Variants in ARL5A observed in about 807,000 individuals in gnomAD.
The protein encoded by ARL5A is ARF like GTPase 5A.
In ARL5A, 18 loss-of-function variants were observed where a neutral mutation model predicts 25.9. That is an observed-to-expected ratio of 0.69 (90% CI 0.48 to 1.03). The LOEUF (loss-of-function observed/expected upper bound fraction) is 1.03, where lower values mean the gene tolerates loss of function less well. Ranked by LOEUF, ARL5A falls within the 50% of genes least tolerant of loss-of-function variation. The probability of loss-of-function intolerance (pLI) is 0.00; values close to 1 mark genes in which losing one functional copy is unlikely to be tolerated. For synonymous variants in ARL5A, 61 were observed against 67.5 expected, an observed-to-expected ratio of 0.90 and a Z score of 0.47; for missense variants, 170 against 211.9, an observed-to-expected ratio of 0.80 and a Z score of 1.23.
At chr2:151,805,127 ATATT>A (rs1393340516) in intron 5 of ARL5A, among the ~76,000 whole-genome samples, 1 of 152,120 alleles carries the variant, frequency 6.6e-6, no homozygotes, top group Non-Finnish European at 1.5e-5. Context: ...AAAGATATAT[ATATT>A]AGACTATTTG....
chr2:151,823,378 G>A (rs1041856441), intron 1 of ARL5A, among the ~76,000 whole-genome samples: 1 of 151,956 alleles, frequency 6.6e-6, no homozygotes, highest in Non-Finnish European at 1.5e-5. Context: ...TTACAGTAAT[G>A]GTAAATTAAG....
intron 2 of ARL5A, among the ~76,000 whole-genome samples, chr2:151,814,838 A>C (rs2151294681): frequency 6.6e-6 from 1 of 152,088 alleles, no homozygotes; most frequent in Non-Finnish European, 1.5e-5. Flanking sequence ...CTGCCACCCA[A>C]AGTGTTGGGA....
Position 151,822,617 on chromosome 2 carries a change from C to T in ARL5A, c.46+5514G>A, listed in dbSNP as rs574885164. On this transcript the variant is annotated intron_variant, in intron 1 of 5. Transcript: ENST00000295087. ...AAAGACTTCATAGAATCCCAATATG[C>T]CTACTACAAGAATGTTATTGTGGAC... 9.2e-5 allele frequency among the ~76,000 whole-genome samples: 14 copies of T among 152,314 alleles called. No individual in the cohort carries two copies. In the South Asian group the frequency reaches 2.9e-3, roughly 32 times the overall value.
intron 3 of ARL5A, among the ~76,000 whole-genome samples, chr2:151,813,871 G>A (rs1051096434): frequency 6.6e-6 from 1 of 151,954 alleles, no homozygotes; most frequent in Non-Finnish European, 1.5e-5. Context: ...AACATAAATA[G>A]AGAGAAATGA....
In ARL5A at chr2:151,803,418, T is replaced by C. The variant is rs560380345; in HGVS notation, c.492-94A>G. The C allele has an allele frequency of 2.1e-5, 18 of 859,736 alleles. No homozygotes were observed. The African/African-American group carries it at 2.6e-4, about 12-fold the overall frequency. The allele number at this position is 859,736 out of a possible 1,614,324, so 53.3% of individuals were successfully genotyped here. ...GCAAACTAAAAGAGAGCATTTTTCA[T>C]TTAGCTAAATAACAAAGATTTAAAA... On this transcript the variant is annotated intron_variant, in intron 5 of 5. Transcript: ENST00000295087.
At chr2:151,806,229 A>G (rs2151291898) in intron 5 of ARL5A, among the ~76,000 whole-genome samples, 1 of 152,254 alleles carries the variant, frequency 6.6e-6, no homozygotes, top group South Asian at 2.1e-4. Flanking sequence ...ATAGGCACAC[A>G]CTTCTCTTCC....
chr2:151,799,886 T>C lies in ARL5A; in HGVS notation c.*3390A>G, dbSNP rs1306319704. ...AGGACAGAGATCTCTTCACTAATAG[T>C]AAATGAAGATACAGGAGAGCAAAGG... is the stretch of plus-strand genomic sequence containing the variant. On this transcript the variant is annotated 3_prime_UTR_variant, in exon 6 of 6. Transcript: ENST00000295087. 1 of 152,132 alleles carries C rather than the reference T, an allele frequency of 6.6e-6. No homozygotes were observed. Among genetic ancestry groups the C allele is most frequent in the Non-Finnish European group, 1.5e-5 (1 of 68,038 alleles). 9.4% of individuals were successfully genotyped at this position (152,132 alleles called of 1,614,324 possible). A position where few individuals can be genotyped will look rare whatever the true frequency, so the allele number is the denominator to read the frequency against.
At chr2:151,819,878 A>ACC (rs1233764457) in intron 1 of ARL5A, among the ~76,000 whole-genome samples, 1 of 152,098 alleles carries the variant, frequency 6.6e-6, no homozygotes, top group African/African-American at 2.4e-5. Flanking sequence ...AGATGGTGAA[A>ACC]CCCCATCTCT....
rs2099831198 is a variant in ARL5A, at chr2:151,814,179, G to A, written c.245C>T (p.Thr82Ile). ...TGTAAGAAACATTACCTCTGTGTTA[G>A]TATAGTAAGTGTTCCAGGAAGAACG... Reference protein sequence around the residue: ...SLRSSWNTYYTNTEFVIVVVD... With the variant: ...SLRSSWNTYYINTEFVIVVVD... Residue 82 changes from threonine (T) to isoleucine (I), a missense_variant, in exon 3 of 6, where the codon ACT becomes ATT. Physicochemically the swap from Thr to Ile is moderately conservative, Grantham distance 89 (BLOSUM62 -1). Coordinates refer to ENST00000295087, the MANE Select transcript of ARL5A (RefSeq NM_012097.4). 6.3e-7 allele frequency: 1 copy of A among 1,595,206 alleles called. No homozygotes were observed. The highest frequency in any genetic ancestry group is 1.4e-5 in the African/African-American group (1 of 73,624).
intron 5 of ARL5A, 22 bp downstream of exon 5, chr2:151,806,799 A>T (rs917837521): frequency 6.3e-7 from 1 of 1,587,374 alleles, no homozygotes; most frequent in African/African-American, 1.4e-5. Context: ...GTTCGATAAC[A>T]TTTAAGAGGA....
chr2:151,803,784 G>C (rs1354840271), intron 5 of ARL5A, among the ~76,000 whole-genome samples: 1 of 152,144 alleles, frequency 6.6e-6, no homozygotes, highest in Non-Finnish European at 1.5e-5. Context: ...AGCAACATAT[G>C]TCAAAAATAT....
intron 5 of ARL5A, 80 bp from the exon 6 acceptor site, chr2:151,803,404 G>C (rs1578369820): frequency 2.0e-6 from 2 of 992,976 alleles, no homozygotes; most frequent in East Asian, 4.9e-5. Flanking sequence ...CAAACTAAAA[G>C]AGAGCATTTT....
At chr2:151,824,247 A>G (rs1341329037) in intron 1 of ARL5A, among the ~76,000 whole-genome samples, 1 of 152,246 alleles carries the variant, frequency 6.6e-6, no homozygotes, top group East Asian at 1.9e-4. Flanking sequence ...GCCAACCTGT[A>G]AACTAACATA....
intron 4 of ARL5A, chr2:151,810,238 TTA>T (rs2099830660): frequency 6.5e-6 from 1 of 152,718 alleles, no homozygotes; most frequent in Admixed American, 6.5e-5. Context: ...ACTTTGAAAA[TTA>T]TTTTAAAATT....
chr2:151,816,284 T>G (rs553309606), intron 1 of ARL5A, among the ~76,000 whole-genome samples: 1 of 152,222 alleles, frequency 6.6e-6, no homozygotes, highest in South Asian at 2.1e-4. Context: ...TTCCAGCCAT[T>G]CTAGCTGAGA....
At chr2:151,815,013 C>A in intron 2 of ARL5A, 126 bp downstream of exon 2, 2 of 724,680 alleles carry the variant, frequency 2.8e-6, no homozygotes, top group Non-Finnish European at 2.3e-6. Context: ...AGGTTTATAG[C>A]CAACCTGCTT....
At chr2:151,814,072 A>T in intron 3 of ARL5A, 97 bp downstream of exon 3, 12 of 1,140,496 alleles carry the variant, frequency 1.1e-5, no homozygotes, top group Non-Finnish European at 1.5e-5. Context: ...GTATTAACAT[A>T]CTGTGATATT....
rs544353010 is a variant in ARL5A at position 151,828,243 on chromosome 2, G to C, written c.-67C>G. On this transcript the variant is annotated 5_prime_UTR_variant, in exon 1 of 6. Transcript: ENST00000295087. ...CTGGCTTCCCCCGGCTCAGGCTGAG[G>C]GGGAGGAGAGAGACGCGCTGGAGCC... 14 of 1,459,716 alleles carry C rather than the reference G, an allele frequency of 9.6e-6. No individual in the cohort carries two copies. Among genetic ancestry groups the C allele is most frequent in the East Asian group, 7.3e-5 (3 of 40,892 alleles). The allele number at this position is 1,459,716 out of a possible 1,614,324, so 90.4% of individuals were successfully genotyped here.
intron 1 of ARL5A, among the ~76,000 whole-genome samples, chr2:151,825,772 A>G (rs2099832967): frequency 1.3e-5 from 2 of 151,902 alleles, no homozygotes; most frequent in African/African-American, 4.8e-5. Context: ...AATCCACTGA[A>G]GGTAAAACAA....
Sources: gnomAD v4.1 joint callset for allele counts (sites outside exome capture counted in the v4.1 genomes callset) on GRCh38, gnomAD v4.1.1 for gene constraint, MANE v1.5 for transcripts, NCBI Gene and HGNC (gene_info 2026-07-23, HGNC 2026-07-21) for gene names.